CNTNAP2: variants seen among roughly 807,000 people sequenced by gnomAD.
CNTNAP2 encodes the protein contactin-associated protein-like 2.
In CNTNAP2, 98 loss-of-function variants were observed where a neutral mutation model predicts 155.2. The ratio of observed to expected loss-of-function variants is 0.63; its 90% CI spans 0.54 to 0.75. The LOEUF is 0.75. Ranked by LOEUF, CNTNAP2 falls within the 30% of genes least tolerant of loss-of-function variation. The pLI, the probability that CNTNAP2 is intolerant of heterozygous loss-of-function variation, is 0.00. For missense variants in CNTNAP2, 1,727 were observed against 1,688.1 expected (o/e 1.02, Z -0.40); for synonymous variants, 651 against 631.2 (o/e 1.03, Z -0.47).
rs1029875333 is a variant in CNTNAP2, at chr7:146,188,025, G to A, written c.97+71052G>A. 1.1e-4 allele frequency among the ~76,000 whole-genome samples: 16 copies of A among 151,998 alleles called. No individual in the cohort carries two copies. The South Asian group carries it at 1.2e-3, about 12-fold the overall frequency. On this transcript the variant is annotated intron_variant, in intron 1 of 23. Transcript: ENST00000361727. ...CAATTCTATGCCTTTCTCTATAATC[G>A]TAATATTTTAGAGTATGTATTAGGC...
chr7:147,583,408 A>T (rs912018053), intron 12 of CNTNAP2, among the ~76,000 whole-genome samples: 7 of 151,086 alleles, frequency 4.6e-5, no homozygotes, highest in African/African-American at 1.7e-4. Context: ...ATCACCAACC[A>T]CTTCTGCTCC....
intron 13 of CNTNAP2, among the ~76,000 whole-genome samples, chr7:147,887,197 C>T (rs1429739033): frequency 2.6e-5 from 4 of 152,144 alleles, no homozygotes; most frequent in Middle Eastern, 3.2e-3. Flanking sequence ...TAAGGCCAGG[C>T]GTGGTGGCTC....
chr7:147,897,821 T>A (rs1799800577), intron 13 of CNTNAP2, among the ~76,000 whole-genome samples: 1 of 152,190 alleles, frequency 6.6e-6, no homozygotes, highest in Non-Finnish European at 1.5e-5. Flanking sequence ...AAAAATTTAT[T>A]ATTGGCCATG....
intron 3 of CNTNAP2, among the ~76,000 whole-genome samples, chr7:146,958,172 G>T (rs1350186624): frequency 1.3e-5 from 2 of 152,118 alleles, no homozygotes; most frequent in East Asian, 3.9e-4. Context: ...CCTCAGGAAG[G>T]TGCAGCTGCC....
At chr7:147,762,025 G>A (rs1370724768) in intron 13 of CNTNAP2, among the ~76,000 whole-genome samples, 4 of 152,052 alleles carry the variant, frequency 2.6e-5, no homozygotes, top group African/African-American at 7.2e-5. Flanking sequence ...AGGGAGCTAC[G>A]ATGAAGACAA....
intron 9 of CNTNAP2, among the ~76,000 whole-genome samples, chr7:147,361,203 T>G (rs1034809322): frequency 6.6e-6 from 1 of 152,356 alleles, no homozygotes; most frequent in East Asian, 1.9e-4. Flanking sequence ...TGAAAAACTT[T>G]CCTTTAGGAT....
At chr7:148,236,100 T>C (rs1361019848) in intron 20 of CNTNAP2, among the ~76,000 whole-genome samples, 2 of 152,178 alleles carry the variant, frequency 1.3e-5, no homozygotes, top group Non-Finnish European at 2.9e-5. Context: ...TACAATTCCC[T>C]CAAAACCCAA....
intron 1 of CNTNAP2, among the ~76,000 whole-genome samples, chr7:146,763,044 G>C (rs781566547): frequency 6.6e-6 from 1 of 152,034 alleles, no homozygotes; most frequent in African/African-American, 2.4e-5. Flanking sequence ...CTACAATTCA[G>C]ATGCGATTTG....
chr7:147,351,756 C>CA (rs1411823483), intron 9 of CNTNAP2, among the ~76,000 whole-genome samples: 1 of 151,678 alleles, frequency 6.6e-6, no homozygotes, highest in Non-Finnish European at 1.5e-5. Context: ...TGTTCTATCA[C>CA]AAAGAATTAT....
At chr7:147,594,419 C>T (rs1430708897) in intron 12 of CNTNAP2, among the ~76,000 whole-genome samples, 1 of 152,144 alleles carries the variant, frequency 6.6e-6, no homozygotes, top group Non-Finnish European at 1.5e-5. Context: ...TCATAGCTCT[C>T]ACCATATGTA....
At chr7:147,813,284 A>AT (rs937675440) in intron 13 of CNTNAP2, among the ~76,000 whole-genome samples, 5 of 152,256 alleles carry the variant, frequency 3.3e-5, no homozygotes, top group Middle Eastern at 3.4e-3. Context: ...AAAACATCAC[A>AT]TTTTTTACCA....
chr7:146,327,601 GA>G (rs1165719399), intron 1 of CNTNAP2, among the ~76,000 whole-genome samples: 1 of 152,172 alleles, frequency 6.6e-6, no homozygotes, highest in African/African-American at 2.4e-5. Context: ...ATCAACAAAT[GA>G]GAAAGCTATA....
chr7:147,422,717 C>G (rs549326952), intron 10 of CNTNAP2, among the ~76,000 whole-genome samples: 1 of 152,158 alleles, frequency 6.6e-6, no homozygotes, highest in Non-Finnish European at 1.5e-5. Flanking sequence ...TTCTTTACAT[C>G]GAGGATCAAT....
In CNTNAP2 at chr7:147,103,530, A is replaced by G. The variant is rs1800695092; in HGVS notation, c.551-4617A>G. Among the ~76,000 whole-genome samples the G allele has an allele frequency of 2.0e-5, 3 of 152,194 alleles. No homozygotes were observed. The South Asian group carries it at 6.2e-4, about 32-fold the overall frequency. ...ATTTGCATAAACTATATAGTATTCG[A>G]TTCTGTACTAACTGGTTAATATACA... On this transcript the variant is annotated intron_variant, in intron 4 of 23. Transcript: ENST00000361727.
At chr7:147,413,611 T>C (rs1409288341) in intron 10 of CNTNAP2, among the ~76,000 whole-genome samples, 1 of 152,190 alleles carries the variant, frequency 6.6e-6, no homozygotes, top group African/African-American at 2.4e-5. Context: ...AGAATGAGTA[T>C]TTTAGTTCAG....
intron 10 of CNTNAP2, among the ~76,000 whole-genome samples, chr7:147,455,996 C>CA (rs1320776071): frequency 4.6e-5 from 7 of 152,116 alleles, no homozygotes; most frequent in African/African-American, 1.7e-4. Context: ...AAAACAAAAA[C>CA]ATTCTGTAAC....
intron 13 of CNTNAP2, among the ~76,000 whole-genome samples, chr7:147,807,322 CAAAAA>C (rs768465391): frequency 6.9e-4 from 45 of 64,778 alleles, no homozygotes; most frequent in African/African-American, 2.6e-3. Flanking sequence ...GTCCTTGACT[CAAAAA>C]AAAAAAAAAA....
intron 1 of CNTNAP2, among the ~76,000 whole-genome samples, chr7:146,764,507 G>T (rs1487519174): frequency 1.3e-5 from 2 of 149,486 alleles, no homozygotes; most frequent in Non-Finnish European, 3.0e-5. Flanking sequence ...AGAAGATCAA[G>T]TTCGAGGAGT....
At chr7:147,693,630 C>T (rs1796120721) in intron 13 of CNTNAP2, among the ~76,000 whole-genome samples, 1 of 151,842 alleles carries the variant, frequency 6.6e-6, no homozygotes, top group Non-Finnish European at 1.5e-5. Context: ...TCAAATCTTA[C>T]TTATTTATTG....
Sources: gnomAD v4.1 joint callset for allele counts (sites outside exome capture counted in the v4.1 genomes callset) on GRCh38, gnomAD v4.1.1 for gene constraint, MANE v1.5 for transcripts, NCBI Gene and HGNC (gene_info 2026-07-23, HGNC 2026-07-21) for gene names.